PRIM2: variants seen among roughly 807,000 people sequenced by gnomAD.
PRIM2 encodes the protein DNA primase large subunit.
Under a neutral mutation model 67.3 loss-of-function variants are expected in PRIM2, and 39 were observed. The observed-to-expected ratio is 0.58, with a 90% CI of 0.45 to 0.76. The LOEUF (loss-of-function observed/expected upper bound fraction) is 0.76, where lower values mean the gene tolerates loss of function less well. PRIM2 is among the 30% of genes least tolerant of loss of function. The probability of loss-of-function intolerance (pLI) is 0.00; values close to 1 mark genes in which losing one functional copy is unlikely to be tolerated. For synonymous variants in PRIM2, 143 were observed against 198.7 expected (o/e 0.72, Z 2.36); for missense variants, 398 against 598.7 (o/e 0.66, Z 3.50).
chr6:57,444,812 T>C (rs1772316127), intron 7 of PRIM2, among the ~76,000 whole-genome samples: 1 of 152,004 alleles, frequency 6.6e-6, no homozygotes, highest in South Asian at 2.1e-4. Context: ...CCTCTCTGCA[T>C]AGTATGTATT....
intron 5 of PRIM2, among the ~76,000 whole-genome samples, chr6:57,336,637 T>C (rs1030896499): frequency 6.6e-6 from 1 of 151,700 alleles, no homozygotes; most frequent in African/African-American, 2.4e-5. Context: ...AGAAATAAAA[T>C]CCTTTACAGA....
chr6:57,570,396 A>G (rs1196309260), intron 10 of PRIM2, among the ~76,000 whole-genome samples: 4 of 152,214 alleles, frequency 2.6e-5, no homozygotes, highest in African/African-American at 9.7e-5. Context: ...AAATGTCTTT[A>G]ATTTCCTTTT....
chr6:57,274,015 T>C, the PRIM2 span, among the ~76,000 whole-genome samples: 2 of 152,290 alleles, frequency 1.3e-5, no homozygotes, highest in African/African-American at 2.4e-5. Context: ...TACCCGGCCG[T>C]GTAAGGTGTC....
intron 5 of PRIM2, among the ~76,000 whole-genome samples, chr6:57,331,083 G>A (rs1768043405): frequency 1.3e-5 from 2 of 151,770 alleles, no homozygotes; most frequent in African/African-American, 4.8e-5. Flanking sequence ...AGCTACTCAG[G>A]AGGCTGAGGC....
intron 10 of PRIM2, among the ~76,000 whole-genome samples, chr6:57,543,783 TG>T (rs1775228739): frequency 6.6e-6 from 1 of 152,210 alleles, no homozygotes; most frequent in South Asian, 2.1e-4. Context: ...TTAAAACTAA[TG>T]TTATACTTAA....
the PRIM2 span, among the ~76,000 whole-genome samples, chr6:57,282,247 A>G: frequency 1.3e-5 from 2 of 152,114 alleles, no homozygotes; most frequent in African/African-American, 2.4e-5. Flanking sequence ...CTTCTTATGT[A>G]TTTCACAGTA....
At chr6:57,488,150 T>A (rs1773796748) in intron 7 of PRIM2, among the ~76,000 whole-genome samples, 1 of 152,224 alleles carries the variant, frequency 6.6e-6, no homozygotes, top group East Asian at 1.9e-4. Flanking sequence ...TCCATCTGAC[T>A]TCTGAATTCC....
At chr6:57,561,420 C>T (rs1269004422) in intron 10 of PRIM2, among the ~76,000 whole-genome samples, 22 of 152,168 alleles carry the variant, frequency 1.4e-4, no homozygotes, top group African/African-American at 4.6e-4. Flanking sequence ...TTAGTAGAGA[C>T]GGGGTTTCAC....
At chr6:57,383,728 G>C (rs1296097500) in intron 7 of PRIM2, 9 of 152,304 alleles carry the variant, frequency 5.9e-5, no homozygotes, top group Non-Finnish European at 1.3e-4. Context: ...GCATAGACAT[G>C]TAGAAAGATG....
At chr6:57,303,791 G>A in the PRIM2 span, among the ~76,000 whole-genome samples, 1 of 151,934 alleles carries the variant, frequency 6.6e-6, no homozygotes, top group Non-Finnish European at 1.5e-5. Context: ...AGTTTTGTTT[G>A]TTTGTTTCTG....
At chr6:57,269,002 A>G in the PRIM2 span, among the ~76,000 whole-genome samples, 2 of 151,554 alleles carry the variant, frequency 1.3e-5, no homozygotes, top group Admixed American at 6.6e-5. Flanking sequence ...CATGGTGTAT[A>G]TGTGCCACAT....
chr6:57,539,709 C>T (rs1415099988), intron 10 of PRIM2, among the ~76,000 whole-genome samples: 3 of 151,200 alleles, frequency 2.0e-5, no homozygotes, highest in Non-Finnish European at 2.9e-5. Context: ...AGAAACTACA[C>T]ACAGCTGGGC....
At chr6:57,488,418 A>G (rs1169552365) in intron 7 of PRIM2, among the ~76,000 whole-genome samples, 1 of 152,162 alleles carries the variant, frequency 6.6e-6, no homozygotes, top group East Asian at 1.9e-4. Flanking sequence ...TCTTGGGAAA[A>G]CTTTAGTCTA....
chr6:57,355,137 C>T (rs1384084913), intron 5 of PRIM2, among the ~76,000 whole-genome samples: 1 of 152,288 alleles, frequency 6.6e-6, no homozygotes, highest in Non-Finnish European at 1.5e-5. Context: ...AATCCCGTCT[C>T]TACTAAAAAT....
intron 5 of PRIM2, among the ~76,000 whole-genome samples, chr6:57,370,065 G>A (rs1473169256): frequency 2.6e-5 from 4 of 152,122 alleles, no homozygotes; most frequent in Non-Finnish European, 5.9e-5. Context: ...GTGTAAAGAG[G>A]TTAACTAACC....
chr6:57,226,868 T>A, the PRIM2 span, among the ~76,000 whole-genome samples: 1 of 152,158 alleles, frequency 6.6e-6, no homozygotes, highest in African/African-American at 2.4e-5. Context: ...ACTTGCAGGT[T>A]TCTTGAATGA....
At chr6:57,303,077 T>C in the PRIM2 span, among the ~76,000 whole-genome samples, 8 of 152,208 alleles carry the variant, frequency 5.3e-5, no homozygotes, top group Admixed American at 3.9e-4. Flanking sequence ...TGTCTTTCTA[T>C]GTTTATAGCT....
At position 57,575,521 on chromosome 6, in the gene PRIM2, A is replaced by G. The variant is rs1238024081; in HGVS notation, c.1021-25572A>G. Among the ~76,000 whole-genome samples the G allele has an allele frequency of 8.7e-3, 1,326 of 152,282 alleles. 49 individuals carry two copies. Among genetic ancestry groups the G allele is most frequent in the Admixed American group, 0.059 (906 of 15,284 alleles). On this transcript the variant is annotated intron_variant, in intron 10 of 13. Coordinates refer to ENST00000615550, the MANE Select transcript of PRIM2 (RefSeq NM_000947.5). ...CCTAGATTGGAGTTTTAGATGTGCT[A>G]TTGAGGGACTCTGTTACTCAGCTAG...
rs1767553124 is a variant in PRIM2 at position 57,318,617 on chromosome 6, T to A, written c.154+18T>A. The A allele has an allele frequency of 6.6e-7, 1 of 1,519,100 alleles. No individual in the cohort carries two copies. Among genetic ancestry groups the A allele is most frequent in the Non-Finnish European group, 8.9e-7 (1 of 1,117,934 alleles). The allele number at this position is 1,519,100 out of a possible 1,614,324, so 94.1% of individuals were successfully genotyped here. On this transcript the variant is annotated intron_variant, in intron 2 of 13. Coordinates refer to ENST00000615550, the MANE Select transcript of PRIM2 (RefSeq NM_000947.5). ...AGTTAAATGTAAGTACTATTTAAAT[T>A]AGAATGTATATATTCTTGAGAAGCT...
Sources: gnomAD v4.1 joint callset for allele counts (sites outside exome capture counted in the v4.1 genomes callset) on GRCh38, gnomAD v4.1.1 for gene constraint, MANE v1.5 for transcripts, NCBI Gene and HGNC (gene_info 2026-07-23, HGNC 2026-07-21) for gene names.